Variants in MED24 observed in about 807,000 individuals in gnomAD.
MED24 encodes the protein mediator complex subunit 24, also known as mediator of RNA polymerase II transcription subunit 24.
A neutral mutation model predicts 118.8 loss-of-function variants in MED24; 74 were observed. That is an observed-to-expected ratio of 0.62 (90% CI 0.52 to 0.76). The LOEUF is 0.76. Ranked by LOEUF, MED24 falls within the 30% of genes least tolerant of loss-of-function variation. The pLI is 0.00. For missense variants in MED24, 1,041 were observed against 1,278.9 expected (o/e 0.81, Z 2.84); for synonymous variants, 521 against 523.9 (o/e 0.99, Z 0.08).
At position 40,044,350 on chromosome 17, in the gene MED24, T is replaced by C. The variant is rs1984918223; in HGVS notation, c.214-8196A>G. On this transcript the variant is annotated intron_variant, in intron 3 of 25. Transcript: ENST00000394128. ...GCCTCGCTAACATGGAGAATCCCCG[T>C]ATCTACTAAAAATACAAAAATTAGC... Among the ~76,000 whole-genome samples, 7 of 151,314 alleles carry C rather than the reference T, an allele frequency of 4.6e-5. 1 individual carries two copies. In the South Asian group the frequency reaches 1.5e-3, roughly 32 times the overall value.
In MED24 at chr17:40,022,433, C is replaced by T. The variant is rs557148038; in HGVS notation, c.2484G>A (p.Ala828=). 6.2e-6 allele frequency: 10 copies of T among 1,610,400 alleles called. No homozygotes were observed. The African/African-American group carries it at 6.7e-5, about 11-fold the overall frequency. Residue 828 remains alanine (A), a synonymous_variant, in exon 22 of 26, where the codon GCG becomes GCA. Coordinates refer to ENST00000394128, the MANE Select transcript of MED24 (RefSeq NM_014815.4). ...GGTGTCTCTTCTTCTGGCGGGTGGA[C>T]GCCTGTCCCTTGTGGGAGGAGTAGG... The part of the protein sequence containing the change: ...LSSYSSHKGQ[A]STRQKKRHRE...
chr17:40,030,358 C>T (rs959625185), intron 12 of MED24, among the ~76,000 whole-genome samples: 2 of 151,624 alleles, frequency 1.3e-5, no homozygotes, highest in African/African-American at 2.4e-5. Flanking sequence ...TGCAGTGGCG[C>T]GATCTCAGCT....
intron 17 of MED24, 28 bp downstream of exon 17, chr17:40,026,828 C>T (rs1280663033): frequency 1.9e-6 from 3 of 1,611,424 alleles, no homozygotes; most frequent in South Asian, 2.2e-5. Flanking sequence ...CCACCGCCAC[C>T]CTTGGAGTGG....
At chr17:40,032,914 A>C in intron 8 of MED24, 142 bp downstream of exon 8, 1 of 1,350,758 alleles carries the variant, frequency 7.4e-7, no homozygotes, top group Non-Finnish European at 1.0e-6. Flanking sequence ...CCAATGACAG[A>C]AGTGTGCACG....
rs1598325438 is a variant in MED24, at chr17:40,019,181, C to A, written c.*348G>T. The A allele has an allele frequency of 4.7e-6, 1 of 213,198 alleles. No homozygotes were observed. The highest frequency in any genetic ancestry group is 1.1e-4 in the South Asian group (1 of 9,192). 13.2% of individuals were successfully genotyped at this position (213,198 alleles called of 1,614,324 possible). On this transcript the variant is annotated 3_prime_UTR_variant, in exon 26 of 26. Coordinates refer to ENST00000394128, the MANE Select transcript of MED24 (RefSeq NM_014815.4). ...ATATTACAAAATACACACAAACACA[C>A]ACACACACACACACACACACACATA...
intron 19 of MED24, among the ~76,000 whole-genome samples, chr17:40,025,297 G>A (rs1359839800): frequency 1.3e-5 from 2 of 152,128 alleles, no homozygotes; most frequent in African/African-American, 4.8e-5. Flanking sequence ...GCAATATAGT[G>A]AGACCCTGTC....
rs1983574467 is a variant in MED24 at position 40,033,142 on chromosome 17, C to A, written c.736G>T (p.Ala246Ser). The A allele has an allele frequency of 3.7e-6, 6 of 1,614,110 alleles. No homozygotes were observed. Among genetic ancestry groups the A allele is most frequent in the Non-Finnish European group, 5.1e-6 (6 of 1,180,032 alleles). The change falls in exon 8 of 26, where the codon GCC becomes TCC. Residue 246 changes from alanine (A) to serine (S), a missense_variant. This residue lies in a region of MED24 where 434 missense variants were observed against 514.9 expected (regional missense o/e 0.84). Transcript: ENST00000394128. The surrounding 1 kb of genome is among the most constrained non-coding windows in gnomAD (Gnocchi z 5.2). ...MHKTGFPTVH[A>S]VILLEGTMNL... ...ATGGTGCCCTCGAGCAGGATCACGG[C>A]GTGGACAGTGGGGAAGCCGGTCTTG...
intron 3 of MED24, among the ~76,000 whole-genome samples, chr17:40,036,996 CA>C (rs1984017354): frequency 6.6e-6 from 1 of 152,062 alleles, no homozygotes; most frequent in African/African-American, 2.4e-5. Context: ...GCCTGGCCAA[CA>C]TGGTGAAACC....
intron 3 of MED24, among the ~76,000 whole-genome samples, chr17:40,044,924 GA>G (rs1408823542): frequency 1.3e-5 from 2 of 151,784 alleles, no homozygotes; most frequent in African/African-American, 4.8e-5. Flanking sequence ...AAGGTATGGG[GA>G]AATACTGTCA....
chr17:40,019,822 C>T lies in MED24; in HGVS notation c.2816G>A (p.Gly939Asp). The change falls in exon 25 of 26, where the codon GGC becomes GAC. Residue 939 changes from glycine to aspartate, a missense_variant. Gly to Asp is a moderately conservative substitution (Grantham distance 94). Around this residue, in one of 3 missense-constraint regions of MED24, gnomAD observed 587 missense variants for 694.4 expected, o/e 0.85. Coordinates refer to ENST00000394128, the MANE Select transcript of MED24 (RefSeq NM_014815.4). ...CATGAACTGCAGGACGCTGCCACGG[C>T]CACCCTGCTCCAGGCAGTCCACACA... is the stretch of plus-strand genomic sequence containing the variant. Reference protein sequence around the residue: ...EECVDCLEQGGRGSVLQFMPF... With the variant: ...EECVDCLEQGDRGSVLQFMPF... The T allele has an allele frequency of 6.2e-7, 1 of 1,603,738 alleles. No homozygotes were observed. The highest frequency in any genetic ancestry group is 8.5e-7 in the Non-Finnish European group (1 of 1,174,864).
chr17:40,031,153 A>G lies in MED24; in HGVS notation c.1154+6T>C. The G allele has an allele frequency of 6.4e-7, 1 of 1,559,876 alleles. No individual in the cohort carries two copies. The highest frequency in any genetic ancestry group is 8.7e-7 in the Non-Finnish European group (1 of 1,150,862). ...CTTGGGGTAGCACAGGTGCGTTCACACTTACCGCTTAGCCATAAGGTTGTT... is the reference window on the plus strand; with the variant it reads ...CTTGGGGTAGCACAGGTGCGTTCACGCTTACCGCTTAGCCATAAGGTTGTT... On this transcript the variant is annotated splice_donor_region_variant and intron_variant, in intron 12 of 25. Transcript: ENST00000394128.
In MED24 at chr17:40,026,926, A is replaced by G; in HGVS notation, c.1639T>C (p.Phe547Leu). Residue 547 changes from phenylalanine (F) to leucine (L), a missense_variant, in exon 17 of 26, where the codon TTC becomes CTC. Around this residue, in one of 3 missense-constraint regions of MED24, gnomAD observed 587 missense variants for 694.4 expected, o/e 0.85. Transcript: ENST00000394128. Reference protein sequence around the residue: ...GKILNPDHPCFRPDSTKVESL... With the variant: ...GKILNPDHPCLRPDSTKVESL... The stretch of plus-strand genomic sequence containing the variant: ...TCCACTTTGGTGGAGTCGGGGCGGA[A>G]GCAGGGGTGGTCAGGGTTCAGGATC... 1 of 1,614,182 alleles carries G rather than the reference A, an allele frequency of 6.2e-7. No homozygotes were observed. The highest frequency in any genetic ancestry group is 8.5e-7 in the Non-Finnish European group (1 of 1,180,030).
Position 40,031,606 on chromosome 17 carries a change from A to G in MED24, c.999T>C (p.Asp333=). The G allele has an allele frequency of 1.9e-6, 3 of 1,614,166 alleles. 1 individual carries two copies. The highest frequency in any genetic ancestry group is 8.5e-7 in the Non-Finnish European group (1 of 1,180,000). ...YSHGDKDFTE[D]VNCAFEFLLK... is the part of the protein sequence containing the mutation. ...GCAGGAACTCAAAAGCACAGTTGAC[A>G]TCCTCAGTGAAGTCCTAGAAAGAGG... Residue 333 remains aspartate, a synonymous_variant, in exon 11 of 26, where the codon GAT becomes GAC. Transcript: ENST00000394128.
Position 40,019,229 on chromosome 17 carries a change from C to A in MED24, c.*300G>T. The A allele has an allele frequency of 4.9e-6, 2 of 404,938 alleles. No individual in the cohort carries two copies. Among genetic ancestry groups the A allele is most frequent in the Non-Finnish European group, 4.5e-6 (1 of 223,090 alleles). 25.1% of individuals were successfully genotyped at this position (404,938 alleles called of 1,614,324 possible). A position where few individuals can be genotyped will look rare whatever the true frequency, so the allele number is the denominator to read the frequency against. On this transcript the variant is annotated 3_prime_UTR_variant, in exon 26 of 26. Transcript: ENST00000394128. ...ATACACACTTTGCATCTAGAAAGTT[C>A]CTCAGAGGTAAGACTACTCCTGGGC...
In MED24 at chr17:40,027,817, G is replaced by A. The variant is rs1982875994; in HGVS notation, c.1447+92C>T. On this transcript the variant is annotated intron_variant, in intron 15 of 25. Transcript: ENST00000394128. ...TGAGGAGGGAGCACAGCCTCCCCCT[G>A]TTGAGCTGGGGAGCCCTCCTCCCTC... 4.3e-6 allele frequency: 6 copies of A among 1,385,170 alleles called. No individual in the cohort carries two copies. The East Asian group carries it at 1.4e-4, about 32-fold the overall frequency. 85.8% of individuals were successfully genotyped at this position (1,385,170 alleles called of 1,614,324 possible). A position where few individuals can be genotyped will look rare whatever the true frequency, so the allele number is the denominator to read the frequency against.
At chr17:40,043,081 G>A (rs908775824) in intron 3 of MED24, among the ~76,000 whole-genome samples, 1 of 152,204 alleles carries the variant, frequency 6.6e-6, no homozygotes, top group African/African-American at 2.4e-5. Context: ...CTCCCGAGTA[G>A]CTGGGATTAC....
chr17:40,036,715 T>A (rs1983984382), intron 3 of MED24, among the ~76,000 whole-genome samples: 1 of 146,054 alleles, frequency 6.8e-6, no homozygotes, highest in South Asian at 2.2e-4. Flanking sequence ...AAGCGCCTGC[T>A]ACTCACTGTC....
At chr17:40,032,208 T>C in intron 9 of MED24, 118 bp from the exon 10 acceptor site, 1 of 1,206,616 alleles carries the variant, frequency 8.3e-7, no homozygotes, top group Non-Finnish European at 1.2e-6. Context: ...ACTCCTACCC[T>C]GGGAGTGAGA....
At position 40,019,430 on chromosome 17, in the gene MED24, G is replaced by T; in HGVS notation, c.*99C>A. ...TAGAGGCTCTTGCACCATGTGGAGC[G>T]GATGTGAGGCACGATGCCTCATCTT... On this transcript the variant is annotated 3_prime_UTR_variant, in exon 26 of 26. Transcript: ENST00000394128. 1.0e-6 allele frequency: 1 copy of T among 954,526 alleles called. No homozygotes were observed. The highest frequency in any genetic ancestry group is 1.6e-6 in the Non-Finnish European group (1 of 613,212). 59.1% of individuals were successfully genotyped at this position (954,526 alleles called of 1,614,324 possible).
Sources: allele counts gnomAD v4.1 joint callset (sites outside exome capture counted in the v4.1 genomes callset), GRCh38; gene constraint gnomAD v4.1.1; regional missense constraint gnomAD v4.1.1; non-coding constraint Gnocchi (gnomAD v3.1); transcripts MANE v1.5; gene names NCBI Gene and HGNC (gene_info 2026-07-23, HGNC 2026-07-21).